Variants in MAPK8IP3 observed in about 807,000 individuals in gnomAD.
The protein encoded by MAPK8IP3 is C-Jun-amino-terminal kinase-interacting protein 3.
In MAPK8IP3, 49 loss-of-function variants were observed where a neutral mutation model predicts 157.8. The observed-to-expected ratio is 0.31, with a 90% CI of 0.25 to 0.39. The LOEUF (loss-of-function observed/expected upper bound fraction) is 0.39. MAPK8IP3 is among the 10% of genes least tolerant of loss of function. MAPK8IP3 has a pLI of 1.00. For missense variants in MAPK8IP3, 1,478 were observed against 1,889.4 expected (o/e 0.78, Z 4.04); for synonymous variants, 897 against 777.7 (o/e 1.15, Z -2.55).
intron 24 of MAPK8IP3, 37 bp downstream of exon 24, chr16:1,766,840 G>A: frequency 1.2e-6 from 2 of 1,612,250 alleles, no homozygotes; most frequent in South Asian, 2.2e-5. Flanking sequence ...GCGGCGCGGG[G>A]GAACGGGGCG....
intron 4 of MAPK8IP3, among the ~76,000 whole-genome samples, chr16:1,737,623 AC>A (rs1480086834): frequency 4.2e-5 from 3 of 71,592 alleles, no homozygotes; most frequent in Non-Finnish European, 7.9e-5. Context: ...CGTGTGTGTG[AC>A]CATCCATGTG....
rs532102863 is a variant in MAPK8IP3 at position 1,762,935 on chromosome 16, C to T, written c.1827C>T (p.Phe609=). Residue 609 remains phenylalanine (F), a synonymous_variant, in exon 16 of 32, where the codon TTC becomes TTT. Transcript: ENST00000610761. ...IHYKSPTTAG[F]SQRRNHAMCP... is the part of the protein sequence containing the mutation. ...ACAAGTCACCCACCACTGCCGGCTTCAGCCAGCGCCGCAACCATGCCATGT... is the reference window on the plus strand; with the variant it reads ...ACAAGTCACCCACCACTGCCGGCTTTAGCCAGCGCCGCAACCATGCCATGT... 84 of 1,613,062 alleles carry T rather than the reference C, an allele frequency of 5.2e-5. No individual in the cohort carries two copies. The South Asian group carries it at 8.7e-4, about 17-fold the overall frequency.
chr16:1,729,393 G>A, intron 3 of MAPK8IP3, 94 bp from the exon 4 acceptor site: 1 of 1,353,444 alleles, frequency 7.4e-7, no homozygotes, highest in Non-Finnish European at 1.0e-6. Context: ...CTTGATTTCT[G>A]CCTGCACAGG....
chr16:1,752,802 T>C (rs1039184866), intron 8 of MAPK8IP3, among the ~76,000 whole-genome samples: 5 of 150,830 alleles, frequency 3.3e-5, no homozygotes, highest in Admixed American at 3.3e-4. Context: ...GCAGTCCTGA[T>C]GAGTGGGGAC....
intron 8 of MAPK8IP3, among the ~76,000 whole-genome samples, chr16:1,757,603 T>C (rs1477891739): frequency 6.6e-6 from 1 of 152,176 alleles, no homozygotes; most frequent in Non-Finnish European, 1.5e-5. Flanking sequence ...CTTTCTGGCA[T>C]GTTCTCTCTG....
intron 4 of MAPK8IP3, among the ~76,000 whole-genome samples, chr16:1,740,903 T>C (rs943445894): frequency 6.6e-6 from 1 of 152,190 alleles, no homozygotes. Flanking sequence ...TGGCGACCAC[T>C]GGGTCCCCTG....
rs2042466636 is a variant in MAPK8IP3 at position 1,769,160 on chromosome 16, C to T, written c.*336C>T. 1 of 337,338 alleles carries T rather than the reference C, an allele frequency of 3.0e-6. No individual in the cohort carries two copies. The highest frequency in any genetic ancestry group is 5.6e-6 in the Non-Finnish European group (1 of 177,928). 20.9% of individuals were successfully genotyped at this position (337,338 alleles called of 1,614,324 possible). A position where few individuals can be genotyped will look rare whatever the true frequency, so the allele number is the denominator to read the frequency against. On this transcript the variant is annotated 3_prime_UTR_variant, in exon 32 of 32. Transcript: ENST00000610761. Reference sequence around the variant, plus strand: ...AGGTGGTCCTGGCTCTACCCTGGGCCTCCTACTCCCCAGCACCCCTGGAGG... The same window carrying T: ...AGGTGGTCCTGGCTCTACCCTGGGCTTCCTACTCCCCAGCACCCCTGGAGG...
chr16:1,759,089 G>C (rs1361808949), intron 10 of MAPK8IP3, 94 bp downstream of exon 10: 4 of 1,549,460 alleles, frequency 2.6e-6, no homozygotes, highest in African/African-American at 1.4e-5. Context: ...GCATGATGGG[G>C]ACAGTGTTGG....
At chr16:1,729,454 G>GCAGC in intron 3 of MAPK8IP3, 33 bp from the exon 4 acceptor site, 1 of 1,585,698 alleles carries the variant, frequency 6.3e-7, no homozygotes. Flanking sequence ...GCCCCCCACG[G>GCAGC]CAGCGCTAAT....
At chr16:1,739,693 AGCTTCCGT>A (rs2040499428) in intron 4 of MAPK8IP3, among the ~76,000 whole-genome samples, 1 of 104,596 alleles carries the variant, frequency 9.6e-6, no homozygotes, top group Non-Finnish European at 1.8e-5. Flanking sequence ...CGTCCGTGTG[AGCTTCCGT>A]GTGACCGTCC....
At position 1,764,949 on chromosome 16, in the gene MAPK8IP3, C is replaced by T. The variant is rs1259038494; in HGVS notation, c.2281-64C>T. 2.0e-6 allele frequency: 3 copies of T among 1,516,596 alleles called. No homozygotes were observed. In the African/African-American group the frequency reaches 4.1e-5, roughly 21 times the overall value. The allele number at this position is 1,516,596 out of a possible 1,614,324, so 93.9% of individuals were successfully genotyped here. A position where few individuals can be genotyped will look rare whatever the true frequency, so the allele number is the denominator to read the frequency against. The stretch of plus-strand genomic sequence containing the variant: ...CTGACAGATTCTGGGAGCCCCATGG[C>T]CCTGTGCTGCCACCGGGTAGCCTCA... On this transcript the variant is annotated intron_variant, in intron 19 of 31. Transcript: ENST00000610761.
At chr16:1,730,717 C>A (rs2039253722) in intron 4 of MAPK8IP3, among the ~76,000 whole-genome samples, 1 of 152,082 alleles carries the variant, frequency 6.6e-6, no homozygotes, top group South Asian at 2.1e-4. Context: ...GTGGCGGGCG[C>A]CTGTAGTTCC....
At chr16:1,763,110 C>T (rs2042048566) in intron 16 of MAPK8IP3, 104 bp downstream of exon 16, 2 of 1,452,424 alleles carry the variant, frequency 1.4e-6, no homozygotes, top group Non-Finnish European at 1.9e-6. Context: ...TGAGGGCAGC[C>T]TCCACCTTGC....
Position 1,767,732 on chromosome 16 carries a change from C to T in MAPK8IP3, c.3406C>T (p.Leu1136=), listed in dbSNP as rs757257770. ...CATTGAGCCCTACGTCAGCAAGATG[C>T]TAGGTGAGGGGCCACGCCAGATGGG... The part of the protein sequence containing the change: ...VDIEPYVSKM[L]GTGKLGFSFV... The change falls in exon 27 of 32, where the codon CTA becomes TTA. Residue 1136 remains leucine, a synonymous_variant. Transcript: ENST00000610761. The T allele has an allele frequency of 7.4e-6, 12 of 1,612,514 alleles. No homozygotes were observed. The highest frequency in any genetic ancestry group is 1.7e-5 in the Admixed American group (1 of 59,988).
In MAPK8IP3 at chr16:1,724,206, C is replaced by T. The variant is rs1460102201; in HGVS notation, c.319-351C>T. Among the ~76,000 whole-genome samples, 1 of 152,250 alleles carries T rather than the reference C, an allele frequency of 6.6e-6. No homozygotes were observed. Among genetic ancestry groups the T allele is most frequent in the East Asian group, 1.9e-4 (1 of 5,194 alleles). On this transcript the variant is annotated intron_variant, in intron 1 of 31. Transcript: ENST00000610761. The surrounding 1 kb of genome is among the most constrained non-coding windows in gnomAD (Gnocchi z 4.1). The stretch of plus-strand genomic sequence containing the variant: ...GCAGCCAAGCCAAGCATTGGGCCTT[C>T]TGAGTGCAGGGCCCCGCATTGCTGC...
rs201517459 is a variant in MAPK8IP3 at position 1,767,802 on chromosome 16, C to T, written c.3410-3C>T. The T allele has an allele frequency of 2.5e-6, 4 of 1,611,524 alleles. No individual in the cohort carries two copies. The highest frequency in any genetic ancestry group is 1.3e-5 in the African/African-American group (1 of 75,034). ...CAGCCACCCTGACCGCTCTCCCCCA[C>T]AGGCACTGGCAAGCTGGGTTTCTCC... On this transcript the variant is annotated splice_region_variant and splice_polypyrimidine_tract_variant and intron_variant, in intron 27 of 31. Coordinates refer to ENST00000610761, the MANE Select transcript of MAPK8IP3 (RefSeq NM_001318852.2).
chr16:1,708,759 T>G lies in MAPK8IP3; in HGVS notation c.318+2102T>G, dbSNP rs866631121. ...GCCGAGCCCCGAAGCCAGCCAATGC[T>G]TGGCCAGCATGGAGGCTATGATTAA... On this transcript the variant is annotated intron_variant, in intron 1 of 31. Transcript: ENST00000610761. 4.6e-5 allele frequency among the ~76,000 whole-genome samples: 7 copies of G among 152,010 alleles called. No individual in the cohort carries two copies. The South Asian group carries it at 1.5e-3, about 32-fold the overall frequency.
rs752102296 is a variant in MAPK8IP3, at chr16:1,763,817, C to A, written c.2025+34C>A. The A allele has an allele frequency of 6.3e-6, 9 of 1,426,722 alleles. No individual in the cohort carries two copies. The African/African-American group carries it at 1.2e-4, about 19-fold the overall frequency. The allele number at this position is 1,426,722 out of a possible 1,614,324, so 88.4% of individuals were successfully genotyped here. A position where few individuals can be genotyped will look rare whatever the true frequency, so the allele number is the denominator to read the frequency against. ...GGGCGCTGCGGGGACCGGGCGGGGC[C>A]CCGCAGAGGCGGGGCGGGGGTAAGG... On this transcript the variant is annotated intron_variant, in intron 17 of 31. Coordinates refer to ENST00000610761, the MANE Select transcript of MAPK8IP3 (RefSeq NM_001318852.2).
At position 1,741,555 on chromosome 16, in the gene MAPK8IP3, G is replaced by A. The variant is rs534327739; in HGVS notation, c.603-1777G>A. ...TCGGCTTCGGTCTAGGGACTGAGAC[G>A]TGTCTGATGGCGTCAGAACTGGGCC... On this transcript the variant is annotated intron_variant, in intron 4 of 31. Coordinates refer to ENST00000610761, the MANE Select transcript of MAPK8IP3 (RefSeq NM_001318852.2). This position sits in a 1 kb window ranked among gnomAD's most constrained non-coding sequence, Gnocchi z 6.9. Among the ~76,000 whole-genome samples, 99 of 152,244 alleles carry A rather than the reference G, an allele frequency of 6.5e-4. No individual in the cohort carries two copies. The highest frequency in any genetic ancestry group is 2.2e-3 in the African/African-American group (93 of 41,532).
Sources: allele counts gnomAD v4.1 joint callset (sites outside exome capture counted in the v4.1 genomes callset), GRCh38; gene constraint gnomAD v4.1.1; non-coding constraint Gnocchi (gnomAD v3.1); transcripts MANE v1.5; gene names NCBI Gene and HGNC (gene_info 2026-07-23, HGNC 2026-07-21).